MGMT: variants seen among roughly 807,000 people sequenced by gnomAD.
MGMT encodes the protein O-6-methylguanine-DNA methyltransferase.
MGMT carries 14 observed loss-of-function variants against 15.9 expected under a neutral mutation model. The observed-to-expected ratio is 0.88, with a 90% CI of 0.58 to 1.37. The LOEUF (loss-of-function observed/expected upper bound fraction) is 1.37, where lower values mean the gene tolerates loss of function less well. Ranked by LOEUF, MGMT falls within the 40% of genes most tolerant of loss-of-function variation. MGMT has a pLI of 0.00. For missense variants in MGMT, 282 were observed against 268.1 expected (o/e 1.05, Z -0.36); for synonymous variants, 130 against 118.2 (o/e 1.10, Z -0.65).
intron 3 of MGMT, among the ~76,000 whole-genome samples, chr10:129,746,514 C>T (rs748989854): frequency 1.3e-5 from 2 of 151,914 alleles, no homozygotes; most frequent in African/African-American, 2.4e-5. Flanking sequence ...ATTTACATCA[C>T]GTTTCACTAT....
rs563753074 is a variant in MGMT, at chr10:129,514,534, G to A, written c.-12-21707G>A. On this transcript the variant is annotated intron_variant, in intron 1 of 4. Transcript: ENST00000651593. ...AACCACTATAATTTCTCCTAGTTCA[G>A]TCTGATTCCTTCTTGCTTTTTTGCA... Among the ~76,000 whole-genome samples, 5 of 152,302 alleles carry A rather than the reference G, an allele frequency of 3.3e-5. 1 individual carries two copies. In the South Asian group the frequency reaches 1.0e-3, roughly 32 times the overall value.
intron 2 of MGMT, among the ~76,000 whole-genome samples, chr10:129,630,939 G>T (rs1290983256): frequency 6.6e-6 from 1 of 152,186 alleles, no homozygotes; most frequent in Non-Finnish European, 1.5e-5. Flanking sequence ...TTAGAAAAGT[G>T]CATTGCTGTC....
intron 2 of MGMT, among the ~76,000 whole-genome samples, chr10:129,668,412 T>A (rs1847683940): frequency 6.6e-6 from 1 of 152,210 alleles, no homozygotes; most frequent in Non-Finnish European, 1.5e-5. Context: ...ACCTTTACAG[T>A]TATGATTTCA....
rs184157425 is a variant in MGMT at position 129,624,931 on chromosome 10, T to A, written c.126-82964T>A. On this transcript the variant is annotated intron_variant, in intron 2 of 4. Transcript: ENST00000651593. ...GGAACAGTAAAAATAAGATCAGATA[T>A]CAGCAAAGCAGAAAATGGTATTACA... Among the ~76,000 whole-genome samples the A allele has an allele frequency of 5.5e-3, 838 of 152,058 alleles. 7 individuals carry two copies. Among genetic ancestry groups the A allele is most frequent in the African/African-American group, 0.019 (799 of 41,450 alleles).
At chr10:129,571,913 A>G (rs987050073) in intron 2 of MGMT, among the ~76,000 whole-genome samples, 1 of 152,236 alleles carries the variant, frequency 6.6e-6, no homozygotes, top group African/African-American at 2.4e-5. Context: ...CGTTAGTGCG[A>G]CAGCGGGCTC....
At chr10:129,576,556 A>C (rs535548112) in intron 2 of MGMT, among the ~76,000 whole-genome samples, 1 of 152,210 alleles carries the variant, frequency 6.6e-6, no homozygotes, top group African/African-American at 2.4e-5. Context: ...AGTGCTATCT[A>C]TGACAAACCC....
At chr10:129,665,567 GC>G (rs1847649867) in intron 2 of MGMT, among the ~76,000 whole-genome samples, 1 of 152,188 alleles carries the variant, frequency 6.6e-6, no homozygotes, top group Admixed American at 6.5e-5. Context: ...ACTGTGGGAG[GC>G]AAAACCACTG....
chr10:129,690,049 C>G (rs1218695322), intron 2 of MGMT, among the ~76,000 whole-genome samples: 1 of 152,184 alleles, frequency 6.6e-6, no homozygotes, highest in Non-Finnish European at 1.5e-5. Flanking sequence ...GAACCGAAAG[C>G]TGAAAAACAT....
At chr10:129,761,884 G>A (rs1381843705) in intron 4 of MGMT, among the ~76,000 whole-genome samples, 2 of 152,204 alleles carry the variant, frequency 1.3e-5, no homozygotes, top group Non-Finnish European at 2.9e-5. Flanking sequence ...CAGGACCTGT[G>A]GCTACGGTAC....
intron 2 of MGMT, among the ~76,000 whole-genome samples, chr10:129,552,767 T>G (rs1367558196): frequency 6.6e-6 from 1 of 152,256 alleles, no homozygotes; most frequent in Non-Finnish European, 1.5e-5. Context: ...CCGTGAGGAC[T>G]GGGCACAGCT....
At chr10:129,561,116 G>C (rs1846273133) in intron 2 of MGMT, among the ~76,000 whole-genome samples, 1 of 152,100 alleles carries the variant, frequency 6.6e-6, no homozygotes, top group Admixed American at 6.5e-5. Context: ...ACCTGCAGTT[G>C]GTGCCTAGTG....
intron 4 of MGMT, among the ~76,000 whole-genome samples, chr10:129,759,720 G>C (rs1391320406): frequency 1.6e-5 from 2 of 126,188 alleles, no homozygotes; most frequent in African/African-American, 5.4e-5. Context: ...CCAGAGTACA[G>C]CAGCTAACAG....
chr10:129,618,664 T>C (rs998806707), intron 2 of MGMT, among the ~76,000 whole-genome samples: 6 of 151,552 alleles, frequency 4.0e-5, no homozygotes, highest in African/African-American at 1.2e-4. Flanking sequence ...CATCTCAACA[T>C]GGTTTTGTAA....
Position 129,593,465 on chromosome 10 carries a change from G to A in MGMT, c.125+57088G>A, listed in dbSNP as rs148377605. ...TCAGAGTGGCCAGCCCCGTGTTGCC[G>A]ACGAATCTGAGAGGGAGCCCCTGGC... On this transcript the variant is annotated intron_variant, in intron 2 of 4. Coordinates refer to ENST00000651593, the MANE Select transcript of MGMT (RefSeq NM_002412.5). Among the ~76,000 whole-genome samples the A allele has an allele frequency of 7.5e-3, 1,138 of 152,316 alleles. 27 individuals are homozygous for A. The highest frequency in any genetic ancestry group is 0.052 in the Admixed American group (801 of 15,302).
At chr10:129,651,759 A>G (rs991910993) in intron 2 of MGMT, among the ~76,000 whole-genome samples, 5 of 152,208 alleles carry the variant, frequency 3.3e-5, no homozygotes, top group Non-Finnish European at 7.3e-5. Context: ...TAAAGACAAA[A>G]TTCACCCATC....
intron 3 of MGMT, among the ~76,000 whole-genome samples, chr10:129,751,575 T>C (rs926414813): frequency 1.3e-5 from 2 of 151,940 alleles, no homozygotes; most frequent in African/African-American, 2.4e-5. Flanking sequence ...ATTTTTCTCT[T>C]CTTTTTCTGG....
chr10:129,554,375 TCTA>T (rs1487671817), intron 2 of MGMT, among the ~76,000 whole-genome samples: 1 of 152,262 alleles, frequency 6.6e-6, no homozygotes, highest in African/African-American at 2.4e-5. Flanking sequence ...AGTTTTGAAT[TCTA>T]CTTAATTTTA....
At chr10:129,734,493 A>G (rs1848538024) in intron 3 of MGMT, among the ~76,000 whole-genome samples, 2 of 151,794 alleles carry the variant, frequency 1.3e-5, no homozygotes, top group African/African-American at 2.4e-5. Flanking sequence ...ATATACAATC[A>G]TGTCATCTGC....
intron 2 of MGMT, among the ~76,000 whole-genome samples, chr10:129,664,710 G>T (rs1847637689): frequency 6.6e-6 from 1 of 152,170 alleles, no homozygotes; most frequent in African/African-American, 2.4e-5. Context: ...AGAATGATAA[G>T]CAGGATGAGA....
Sources: gnomAD v4.1 joint callset for allele counts (sites outside exome capture counted in the v4.1 genomes callset) on GRCh38, gnomAD v4.1.1 for gene constraint, MANE v1.5 for transcripts, NCBI Gene and HGNC (gene_info 2026-07-23, HGNC 2026-07-21) for gene names.